SLIT1: variants seen among roughly 807,000 people sequenced by gnomAD.
SLIT1 encodes slit guidance ligand 1, also known as slit homolog 1 protein.
A neutral mutation model predicts 186.1 loss-of-function variants in SLIT1; 66 were observed. That is an observed-to-expected ratio of 0.35 (90% CI 0.29 to 0.44). The LOEUF is 0.44. Ranked by LOEUF, SLIT1 falls within the 20% of genes least tolerant of loss-of-function variation. The pLI is 1.00. For missense variants in SLIT1, 1,638 were observed against 2,037.4 expected, an observed-to-expected ratio of 0.80 and a Z score of 3.77; for synonymous variants, 761 against 833.8, an observed-to-expected ratio of 0.91 and a Z score of 1.50.
intron 4 of SLIT1, among the ~76,000 whole-genome samples, chr10:97,132,728 T>A (rs1362792542): frequency 2.6e-5 from 4 of 152,236 alleles, no homozygotes; most frequent in African/African-American, 9.6e-5. Context: ...CCTGCACATG[T>A]GCCAGGACGC....
At chr10:97,156,746 A>G (rs527292913) in intron 4 of SLIT1, among the ~76,000 whole-genome samples, 14 of 152,252 alleles carry the variant, frequency 9.2e-5, no homozygotes, top group African/African-American at 3.1e-4. Flanking sequence ...CAGACCCCTT[A>G]GCACTCAGGT....
At chr10:97,070,550 T>C (rs577104676) in intron 4 of SLIT1, among the ~76,000 whole-genome samples, 2 of 152,302 alleles carry the variant, frequency 1.3e-5, no homozygotes, top group South Asian at 4.2e-4. Context: ...TAATCTCCAA[T>C]GTGATGGTAT....
intron 13 of SLIT1, 47 bp from the exon 14 acceptor site, chr10:97,049,165 C>T (rs774587116): frequency 6.3e-7 from 1 of 1,582,736 alleles, no homozygotes; most frequent in Admixed American, 1.7e-5. Context: ...GGCTGCAAAC[C>T]CGCGCTGACC....
chr10:97,173,329 C>G lies in SLIT1; in HGVS notation c.198-8439G>C, dbSNP rs1850215223. On this transcript the variant is annotated intron_variant, in intron 1 of 36. Coordinates refer to ENST00000266058, the MANE Select transcript of SLIT1 (RefSeq NM_003061.3). ...AAACATGAGCTCCACATGCTTCTCA[C>G]AACATCTCTTGGAAGTAGGCATCTT... Among the ~76,000 whole-genome samples, 11 of 152,308 alleles carry G rather than the reference C, an allele frequency of 7.2e-5. No individual in the cohort carries two copies. The South Asian group carries it at 2.3e-3, about 32-fold the overall frequency.
In SLIT1 at chr10:97,046,731, G is replaced by A. The variant is rs570768156; in HGVS notation, c.1776C>T (p.Ser592=). The change falls in exon 18 of 37, where the codon AGC becomes AGT. Residue 592 remains serine, a synonymous_variant. Transcript: ENST00000266058. ...GCTGGTTGGCAGTTAGGTGCAGCTC[G>A]CTCACAGAGGCTGCGCCCTCGAAGG... ...DGAFEGAASV[S]ELHLTANQLE... The A allele has an allele frequency of 1.6e-5, 26 of 1,612,406 alleles. No homozygotes were observed. The South Asian group carries it at 2.0e-4, about 12-fold the overall frequency.
intron 31 of SLIT1, among the ~76,000 whole-genome samples, chr10:97,008,865 T>G (rs1192659229): frequency 2.7e-5 from 4 of 150,230 alleles, no homozygotes; most frequent in African/African-American, 9.7e-5. Flanking sequence ...TATTTTTTAT[T>G]ATTTATTTAT....
chr10:97,055,098 T>TGAGGCGTGGTGACGGGCG (rs1255311146), intron 13 of SLIT1, among the ~76,000 whole-genome samples: 18 of 152,072 alleles, frequency 1.2e-4, no homozygotes, highest in African/African-American at 3.9e-4. Context: ...GCGCCTGTAA[T>TGAGGCGTGGTGACGGGCG]CCCAGCTACT....
Position 97,001,031 on chromosome 10 carries a change from G to A in SLIT1, c.*81C>T. On this transcript the variant is annotated 3_prime_UTR_variant, in exon 37 of 37. Transcript: ENST00000266058. ...CCGTCCTGTGATGACCTGCACCCCA[G>A]CCCAGCTGCTGGCGACTGTCTCCGC... 1 of 1,176,166 alleles carries A rather than the reference G, an allele frequency of 8.5e-7. No individual in the cohort carries two copies. The highest frequency in any genetic ancestry group is 1.9e-5 in the Admixed American group (1 of 52,920). 72.9% of individuals were successfully genotyped at this position (1,176,166 alleles called of 1,614,324 possible). A position where few individuals can be genotyped will look rare whatever the true frequency, so the allele number is the denominator to read the frequency against.
In SLIT1 at chr10:96,998,494, C is replaced by G. The variant is rs1448947048; in HGVS notation, c.*2618G>C. The G allele has an allele frequency of 6.6e-6, 1 of 152,180 alleles. No individual in the cohort carries two copies. Among genetic ancestry groups the G allele is most frequent in the Non-Finnish European group, 1.5e-5 (1 of 68,056 alleles). 9.4% of individuals were successfully genotyped at this position (152,180 alleles called of 1,614,324 possible). A position where few individuals can be genotyped will look rare whatever the true frequency, so the allele number is the denominator to read the frequency against. Reference sequence around the variant, plus strand: ...ATCTCTTCATGCCTAAAATGCAGAGCGAACTAGGGGTCTTCACAAAGGGGG... The same window carrying G: ...ATCTCTTCATGCCTAAAATGCAGAGGGAACTAGGGGTCTTCACAAAGGGGG... On this transcript the variant is annotated 3_prime_UTR_variant, in exon 37 of 37. Coordinates refer to ENST00000266058, the MANE Select transcript of SLIT1 (RefSeq NM_003061.3).
chr10:97,085,290 G>A (rs1849147212), intron 4 of SLIT1, among the ~76,000 whole-genome samples: 1 of 151,974 alleles, frequency 6.6e-6, no homozygotes, highest in Non-Finnish European at 1.5e-5. Context: ...AGACTCAAAG[G>A]CACTGCTGGA....
rs1031577804 is a variant in SLIT1 at position 97,178,537 on chromosome 10, A to G, written c.197+6941T>C. 4.6e-5 allele frequency among the ~76,000 whole-genome samples: 7 copies of G among 152,334 alleles called. 1 individual carries two copies. Among genetic ancestry groups the G allele is most frequent in the African/African-American group, 1.7e-4 (7 of 41,576 alleles). On this transcript the variant is annotated intron_variant, in intron 1 of 36. Transcript: ENST00000266058. ...AAATGCCATGTGCGATCCTGGCAGG[A>G]TTGTGGACCTGGGAAAAAATAGCCA...
At chr10:97,048,077 C>T (rs1848750825) in intron 14 of SLIT1, 81 bp from the exon 15 acceptor site, 2 of 1,478,198 alleles carry the variant, frequency 1.4e-6, no homozygotes, top group Non-Finnish European at 1.9e-6. Flanking sequence ...CCCCACTGCT[C>T]AGCTGAAGGC....
chr10:97,074,385 C>T (rs891698867), intron 4 of SLIT1, among the ~76,000 whole-genome samples: 6 of 152,304 alleles, frequency 3.9e-5, no homozygotes, highest in South Asian at 4.1e-4. Context: ...CTGTGCATGG[C>T]GAGAGACCAC....
rs1346618336 is a variant in SLIT1 at position 97,043,153 on chromosome 10, G to A, written c.1998-86C>T. The A allele has an allele frequency of 7.1e-7, 1 of 1,400,118 alleles. No individual in the cohort carries two copies. The highest frequency in any genetic ancestry group is 1.3e-5 in the South Asian group (1 of 76,160). 86.7% of individuals were successfully genotyped at this position (1,400,118 alleles called of 1,614,324 possible). A position where few individuals can be genotyped will look rare whatever the true frequency, so the allele number is the denominator to read the frequency against. ...ACCCCTCCTGTACCACGGACACAGG[G>A]CCACATGGCCACATGGCACTGTCTC... On this transcript the variant is annotated intron_variant, in intron 19 of 36. Coordinates refer to ENST00000266058, the MANE Select transcript of SLIT1 (RefSeq NM_003061.3). This position sits in a 1 kb window ranked among gnomAD's most constrained non-coding sequence, Gnocchi z 7.0.
In SLIT1 at chr10:97,040,093, CG is replaced by C; in HGVS notation, c.2191del (p.Arg731AlafsTer61). ...EGQEEGGCLP[R>X]PQCPQECACL... ...GGCGCACTCCTGTGGGCACTGTGGG[CG>C]GGGCAGGCAGCCCCCCTCCTCCTGG... On this transcript the variant is annotated frameshift_variant, in exon 21 of 37. Coordinates refer to ENST00000266058, the MANE Select transcript of SLIT1 (RefSeq NM_003061.3). LOFTEE classifies it high-confidence loss of function. The C allele has an allele frequency of 6.3e-7, 1 of 1,589,806 alleles. No individual in the cohort carries two copies. Among genetic ancestry groups the C allele is most frequent in the Non-Finnish European group, 8.6e-7 (1 of 1,168,576 alleles).
At chr10:97,116,304 ACC>A (rs1387287423) in intron 4 of SLIT1, among the ~76,000 whole-genome samples, 2 of 151,966 alleles carry the variant, frequency 1.3e-5, no homozygotes, top group Non-Finnish European at 2.9e-5. Context: ...ACCCCACTTC[ACC>A]TCCTCCCTCC....
At chr10:97,130,786 A>T (rs1227313067) in intron 4 of SLIT1, among the ~76,000 whole-genome samples, 1 of 152,210 alleles carries the variant, frequency 6.6e-6, no homozygotes, top group Non-Finnish European at 1.5e-5. Context: ...AGCATTTAGA[A>T]CATCACGAGG....
At chr10:97,044,797 G>A (rs1026468689) in intron 18 of SLIT1, among the ~76,000 whole-genome samples, 10 of 152,196 alleles carry the variant, frequency 6.6e-5, no homozygotes, top group African/African-American at 2.4e-4. Flanking sequence ...CCTAACAAGA[G>A]TATTATCATG....
chr10:97,014,203 C>T (rs1435474347), intron 28 of SLIT1, 45 bp from the exon 29 acceptor site: 1 of 1,605,096 alleles, frequency 6.2e-7, no homozygotes, highest in African/African-American at 1.3e-5. Flanking sequence ...TCTTGGAACA[C>T]TGGTGGAAGC....
Sources: gnomAD v4.1 joint callset for allele counts (sites outside exome capture counted in the v4.1 genomes callset) on GRCh38, gnomAD v4.1.1 for gene constraint, Gnocchi (gnomAD v3.1) non-coding constraint, MANE v1.5 for transcripts, NCBI Gene and HGNC (gene_info 2026-07-23, HGNC 2026-07-21) for gene names.